RAB26: variants seen among roughly 807,000 people sequenced by gnomAD.
The protein encoded by RAB26 is ras-related protein Rab-26.
Under a neutral mutation model 33.1 loss-of-function variants are expected in RAB26, and 39 were observed. That is an observed-to-expected ratio of 1.18 (90% CI 0.91 to 1.54). RAB26 has a LOEUF of 1.54. Ranked by LOEUF, RAB26 falls within the 40% of genes most tolerant of loss-of-function variation. The pLI is 0.00. For synonymous variants in RAB26, 192 were observed against 151.9 expected (o/e 1.26, Z -1.94); for missense variants, 468 against 362.9 (o/e 1.29, Z -2.35).
intron 1 of RAB26, 85 bp downstream of exon 1, chr16:2,149,063 G>GGGCCCGC: frequency 8.2e-7 from 1 of 1,224,994 alleles, no homozygotes; most frequent in Non-Finnish European, 1.0e-6. Context: ...AGGGGGTGCA[G>GGGCCCGC]GGCCCGCGGC....
chr16:2,148,750 G>A lies in RAB26; in HGVS notation c.-34G>A. ...GTGCGGGACGGCCCAGGGCACGGCG[G>A]CTGCAGCGGGAGCACACTGAGCGCC... On this transcript the variant is annotated 5_prime_UTR_variant, in exon 1 of 9. Transcript: ENST00000210187. 1 of 1,271,918 alleles carries A rather than the reference G, an allele frequency of 7.9e-7. No individual in the cohort carries two copies. Among genetic ancestry groups the A allele is most frequent in the Non-Finnish European group, 9.9e-7 (1 of 1,012,960 alleles). 78.8% of individuals were successfully genotyped at this position (1,271,918 alleles called of 1,614,324 possible).
At position 2,150,002 on chromosome 16, in the gene RAB26, G is replaced by C. The variant is rs1237917795; in HGVS notation, c.257G>C (p.Gly86Ala). 3 of 1,545,304 alleles carry C rather than the reference G, an allele frequency of 1.9e-6. No individual in the cohort carries two copies. The South Asian group carries it at 3.6e-5, about 19-fold the overall frequency. ...KTCLLVRFKD[G>A]AFLAGTFIST... ...TGTCTGCTGGTGCGATTCAAGGATG[G>C]TGCTTTCCTGGCGGGGACCTTCATC... The change falls in exon 2 of 9, where the codon GGT becomes GCT. Residue 86 changes from glycine to alanine, a missense_variant. Gly to Ala is a moderately conservative substitution (Grantham distance 60, BLOSUM62 0). Coordinates refer to ENST00000210187, the MANE Select transcript of RAB26 (RefSeq NM_014353.5).
At position 2,150,032 on chromosome 16, in the gene RAB26, C is replaced by G; in HGVS notation, c.287C>G (p.Thr96Ser). The part of the protein sequence containing the change: ...GAFLAGTFIS[T>S]VGIDFRNKVL... ...TTCCTGGCGGGGACCTTCATCTCCA[C>G]CGTAGGCATTGACTTCCGGGTGAGT... The change falls in exon 2 of 9, where the codon ACC (threonine) becomes AGC (serine). Residue 96 changes from threonine (T) to serine (S), a missense_variant. By Grantham distance (58) the Thr-to-Ser change is moderately conservative. Coordinates refer to ENST00000210187, the MANE Select transcript of RAB26 (RefSeq NM_014353.5). The G allele has an allele frequency of 1.9e-6, 3 of 1,544,436 alleles. No individual in the cohort carries two copies. Among genetic ancestry groups the G allele is most frequent in the Non-Finnish European group, 2.6e-6 (3 of 1,143,670 alleles).
intron 2 of RAB26, among the ~76,000 whole-genome samples, chr16:2,150,599 G>C (rs1260239383): frequency 1.9e-5 from 1 of 52,260 alleles, no homozygotes; most frequent in East Asian, 2.0e-3. Flanking sequence ...CTGTTCCAGG[G>C]ACAGGAAAAG....
chr16:2,151,355 C>A, intron 2 of RAB26: 2 of 644,862 alleles, frequency 3.1e-6, no homozygotes, highest in East Asian at 5.5e-5. Context: ...AATAAGTCAG[C>A]GTAAGAGGCT....
Position 2,152,839 on chromosome 16 carries a change from ACGAGTACG to A in RAB26, c.490_497del (p.Glu164ProfsTer18), listed in dbSNP as rs1317638309. On this transcript the variant is annotated frameshift_variant, in exon 6 of 9. Coordinates refer to ENST00000210187, the MANE Select transcript of RAB26 (RefSeq NM_014353.5). LOFTEE classifies it high-confidence loss of function. The stretch of plus-strand genomic sequence containing the variant: ...CCACAGGCCTGGCTGACCGAGATCC[ACGAGTACG>A]CCCAGCACGACGTGGCGCTCATGCT... The A allele has an allele frequency of 6.2e-7, 1 of 1,607,650 alleles. No individual in the cohort carries two copies. The highest frequency in any genetic ancestry group is 1.7e-5 in the Admixed American group (1 of 59,140).
chr16:2,151,257 GCGTTGCAGCTCGTTAGTTACTGCA>G (rs1451857279), intron 2 of RAB26: 21 of 560,502 alleles, frequency 3.7e-5, no homozygotes, highest in Non-Finnish European at 6.6e-5. Flanking sequence ...GAAGGCTGAG[GCGTTGCAGCTCGTTAGTTACTGCA>G]CCCATTTGCA....
chr16:2,152,693 C>CAAAAAAAAAAAAAAAAAAAAAAA (rs58347017), intron 5 of RAB26, 127 bp from the exon 6 acceptor site: 1 of 307,308 alleles, frequency 3.3e-6, no homozygotes, highest in Non-Finnish European at 5.3e-6. Flanking sequence ...ACTCTTGTCT[C>CAAAAAAAAAAAAAAAAAAAAAAA]AAAAAAAAAA....
At chr16:2,150,773 C>G (rs2093002403) in intron 2 of RAB26, among the ~76,000 whole-genome samples, 1 of 152,228 alleles carries the variant, frequency 6.6e-6, no homozygotes, top group Non-Finnish European at 1.5e-5. Context: ...TTGGTTCGCA[C>G]TCTCGTTCAG....
chr16:2,151,431 T>C, intron 2 of RAB26, 138 bp from the exon 3 acceptor site: 4 of 1,195,136 alleles, frequency 3.3e-6, no homozygotes, highest in Non-Finnish European at 4.9e-6. Context: ...TGAGGTCAAA[T>C]TGGCTTAAGG....
In RAB26 at chr16:2,153,963, G is replaced by A. The variant is rs992863195; in HGVS notation, c.*542G>A. The A allele has an allele frequency of 1.3e-5, 5 of 374,856 alleles. No individual in the cohort carries two copies. The highest frequency in any genetic ancestry group is 2.1e-5 in the Non-Finnish European group (4 of 187,086). 23.2% of individuals were successfully genotyped at this position (374,856 alleles called of 1,614,324 possible). A position where few individuals can be genotyped will look rare whatever the true frequency, so the allele number is the denominator to read the frequency against. On this transcript the variant is annotated 3_prime_UTR_variant, in exon 9 of 9. Coordinates refer to ENST00000210187, the MANE Select transcript of RAB26 (RefSeq NM_014353.5). ...CTCACTGACCTTGGAGGATGCCTGT[G>A]GCCTTGTGATAAAATGTGGGAAATC...
At chr16:2,150,881 A>G (rs36233) in intron 2 of RAB26, among the ~76,000 whole-genome samples, 143,976 of 152,330 alleles carry the variant, frequency 0.95, 68,117 homozygotes, top group East Asian at 1. Flanking sequence ...CTCAGGCTGA[A>G]GGAGGTGGCA....
rs1254341404 is a variant in RAB26, at chr16:2,153,431, A to T, written c.*10A>T. The T allele has an allele frequency of 6.2e-7, 1 of 1,612,666 alleles. No individual in the cohort carries two copies. The highest frequency in any genetic ancestry group is 2.2e-5 in the East Asian group (1 of 44,860). On this transcript the variant is annotated 3_prime_UTR_variant, in exon 9 of 9. Transcript: ENST00000210187. ...CTGCTGCCGCCCTTGAACCTGGCTG[A>T]GCTCAGTCCTCTGGAGGAAGCCGTC...
At chr16:2,151,001 G>C in intron 2 of RAB26, 1 of 330,068 alleles carries the variant, frequency 3.0e-6, no homozygotes, top group South Asian at 2.3e-5. Context: ...ATCGTTAACT[G>C]GGAGGGCCCG....
rs2092995713 is a variant in RAB26, at chr16:2,148,995, C to T, written c.195+17C>T. 3.1e-6 allele frequency: 4 copies of T among 1,270,608 alleles called. No homozygotes were observed. The highest frequency in any genetic ancestry group is 1.5e-5 in the African/African-American group (1 of 64,662). 78.7% of individuals were successfully genotyped at this position (1,270,608 alleles called of 1,614,324 possible). A position where few individuals can be genotyped will look rare whatever the true frequency, so the allele number is the denominator to read the frequency against. On this transcript the variant is annotated intron_variant, in intron 1 of 8. Transcript: ENST00000210187. The stretch of plus-strand genomic sequence containing the variant: ...GCCTTCAAGGTGAGCCAGGCACCCG[C>T]CCCCCAGGCCAGCGCAGCAGGTGGC...
chr16:2,150,675 TG>T, intron 2 of RAB26, among the ~76,000 whole-genome samples: 3 of 152,160 alleles, frequency 2.0e-5, no homozygotes, highest in Non-Finnish European at 4.4e-5. Flanking sequence ...ACGACTGAAG[TG>T]CCCGAGGGGG....
At position 2,152,917 on chromosome 16, in the gene RAB26, C is replaced by T. The variant is rs561732329; in HGVS notation, c.534+32C>T. ...GGCCCGGCTGTCCTCACCTGGGCCA[C>T]AGGGCAGGGCAGGTGAGGGGGCAGG... On this transcript the variant is annotated intron_variant, in intron 6 of 8. Transcript: ENST00000210187. 4 of 1,590,008 alleles carry T rather than the reference C, an allele frequency of 2.5e-6. No individual in the cohort carries two copies. The Admixed American group carries it at 7.1e-5, about 28-fold the overall frequency.
chr16:2,150,624 C>CTGGGGAGCTGTTCTCTACCCCGTG (rs2093001920), intron 2 of RAB26, among the ~76,000 whole-genome samples: 1 of 152,156 alleles, frequency 6.6e-6, no homozygotes, highest in Non-Finnish European at 1.5e-5. Context: ...TCCCTCCAGT[C>CTGGGGAGCTGTTCTCTACCCCGTG]TGGGGGTTCC....
At chr16:2,152,474 A>G (rs1015600644) in intron 5 of RAB26, among the ~76,000 whole-genome samples, 3 of 152,160 alleles carry the variant, frequency 2.0e-5, no homozygotes, top group Non-Finnish European at 4.4e-5. Flanking sequence ...GTTGGAGACC[A>G]GCCTGATCAA....
Sources: allele counts gnomAD v4.1 joint callset (sites outside exome capture counted in the v4.1 genomes callset), GRCh38; gene constraint gnomAD v4.1.1; transcripts MANE v1.5; gene names NCBI Gene and HGNC (gene_info 2026-07-23, HGNC 2026-07-21).